SCFD2: variants seen among roughly 807,000 people sequenced by gnomAD.
SCFD2 encodes the protein sec1 family domain-containing protein 2.
Under a neutral mutation model 58.9 loss-of-function variants are expected in SCFD2, and 54 were observed. The ratio of observed to expected loss-of-function variants is 0.92; its 90% CI spans 0.74 to 1.15. SCFD2 has a LOEUF of 1.15. SCFD2 is among the 50% of genes most tolerant of loss of function. The pLI, the probability that SCFD2 is intolerant of heterozygous loss-of-function variation, is 0.00. For missense variants in SCFD2, 805 were observed against 836.6 expected, an observed-to-expected ratio of 0.96 and a Z score of 0.47; for synonymous variants, 321 against 335.9, an observed-to-expected ratio of 0.96 and a Z score of 0.49.
intron 5 of SCFD2, among the ~76,000 whole-genome samples, chr4:53,105,985 T>C (rs1207465671): frequency 4.6e-5 from 7 of 150,760 alleles, no homozygotes; most frequent in Non-Finnish European, 5.9e-5. Context: ...GGGACGAAGC[T>C]TCCAGAGGAA....
At chr4:53,136,514 C>A (rs1293008631) in intron 5 of SCFD2, among the ~76,000 whole-genome samples, 1 of 152,114 alleles carries the variant, frequency 6.6e-6, no homozygotes, top group Non-Finnish European at 1.5e-5. Flanking sequence ...CATGGAAAAC[C>A]TGAAAACACA....
At chr4:52,879,976 A>G (rs73814895) in intron 8 of SCFD2, among the ~76,000 whole-genome samples, 6,141 of 152,308 alleles carry the variant, frequency 0.04, 158 homozygotes, top group African/African-American at 0.072. Context: ...TTTGGAGCAT[A>G]TATTGTATTC....
chr4:53,049,874 T>C (rs897660614), intron 5 of SCFD2, among the ~76,000 whole-genome samples: 1 of 152,190 alleles, frequency 6.6e-6, no homozygotes, highest in Admixed American at 6.5e-5. Context: ...TTTTGTTTTA[T>C]TTGAGGTCAT....
At chr4:53,147,048 G>C (rs535525354) in intron 4 of SCFD2, among the ~76,000 whole-genome samples, 6 of 152,314 alleles carry the variant, frequency 3.9e-5, no homozygotes, top group Middle Eastern at 3.4e-3. Context: ...AACATCTTAA[G>C]ATGTGTGTCT....
chr4:53,365,982 CTTCT>C lies in SCFD2; in HGVS notation c.-45_-42del, dbSNP rs745512316. 6.6e-7 allele frequency: 1 copy of C among 1,504,960 alleles called. No individual in the cohort carries two copies. The highest frequency in any genetic ancestry group is 8.8e-7 in the Non-Finnish European group (1 of 1,133,990). 93.2% of individuals were successfully genotyped at this position (1,504,960 alleles called of 1,614,324 possible). A position where few individuals can be genotyped will look rare whatever the true frequency, so the allele number is the denominator to read the frequency against. On this transcript the variant is annotated 5_prime_UTR_variant, in exon 1 of 9. Coordinates refer to ENST00000401642, the MANE Select transcript of SCFD2 (RefSeq NM_152540.4). This position sits in a 1 kb window ranked among gnomAD's most constrained non-coding sequence, Gnocchi z 4.3. ...GACTTGGGAAACTACGGTGCAGGAA[CTTCT>C]TTCAGAACTCACCGCTTCCGGAAAT...
At chr4:53,277,475 A>G (rs548053028) in intron 3 of SCFD2, among the ~76,000 whole-genome samples, 1 of 152,158 alleles carries the variant, frequency 6.6e-6, no homozygotes, top group Admixed American at 6.5e-5. Flanking sequence ...ATAATTACTT[A>G]ATCATGATAG....
chr4:52,882,275 G>A (rs191742454), intron 8 of SCFD2, among the ~76,000 whole-genome samples: 1 of 152,296 alleles, frequency 6.6e-6, no homozygotes, highest in African/African-American at 2.4e-5. Context: ...TTGTCGTGGG[G>A]AAGAGGGATG....
intron 2 of SCFD2, among the ~76,000 whole-genome samples, chr4:53,334,668 G>T (rs1376200232): frequency 6.6e-6 from 1 of 151,604 alleles, no homozygotes; most frequent in Non-Finnish European, 1.5e-5. Flanking sequence ...GAGTTAGTGG[G>T]TGCAGCGCAC....
At chr4:53,036,823 C>A (rs1284887474) in intron 5 of SCFD2, among the ~76,000 whole-genome samples, 1 of 152,050 alleles carries the variant, frequency 6.6e-6, no homozygotes, top group African/African-American at 2.4e-5. Context: ...GCACATGTAT[C>A]CCAAAACTTA....
At chr4:53,135,502 G>A (rs759525686) in intron 5 of SCFD2, among the ~76,000 whole-genome samples, 14 of 152,162 alleles carry the variant, frequency 9.2e-5, no homozygotes, top group Non-Finnish European at 1.6e-4. Context: ...TTGGGAGGCC[G>A]AGGTGGGCGG....
At chr4:53,253,619 C>G (rs1216933209) in intron 4 of SCFD2, among the ~76,000 whole-genome samples, 3 of 151,372 alleles carry the variant, frequency 2.0e-5, no homozygotes, top group Non-Finnish European at 4.4e-5. Flanking sequence ...AATCATCATT[C>G]TCAGTAAACT....
chr4:52,901,921 A>G (rs988952849), intron 7 of SCFD2, among the ~76,000 whole-genome samples: 1 of 152,194 alleles, frequency 6.6e-6, no homozygotes, highest in African/African-American at 2.4e-5. Context: ...ATACACAGGT[A>G]TTTTTCTTAA....
intron 4 of SCFD2, among the ~76,000 whole-genome samples, chr4:53,254,124 A>G (rs1433155370): frequency 6.6e-6 from 1 of 152,144 alleles, no homozygotes; most frequent in African/African-American, 2.4e-5. Flanking sequence ...AAAGGATCAG[A>G]AAAAATAACT....
intron 4 of SCFD2, among the ~76,000 whole-genome samples, chr4:53,223,621 T>C (rs1729113053): frequency 6.6e-6 from 1 of 152,230 alleles, no homozygotes; most frequent in Non-Finnish European, 1.5e-5. Flanking sequence ...AAACATAGTC[T>C]CACGGAACAT....
chr4:53,032,272 A>C (rs1226174876), intron 5 of SCFD2, among the ~76,000 whole-genome samples: 1 of 152,236 alleles, frequency 6.6e-6, no homozygotes, highest in African/African-American at 2.4e-5. Context: ...CATGCCTTAC[A>C]AGAGCTCCTG....
intron 1 of SCFD2, among the ~76,000 whole-genome samples, chr4:53,363,739 C>T (rs1237960751): frequency 1.4e-5 from 2 of 147,156 alleles, no homozygotes; most frequent in Non-Finnish European, 3.0e-5. Context: ...AGGAGAATGG[C>T]GTGAACCCGG....
rs1406655418 is a variant in SCFD2, at chr4:53,244,269, A to G, written c.1311+29557T>C. On this transcript the variant is annotated intron_variant, in intron 4 of 8. Coordinates refer to ENST00000401642, the MANE Select transcript of SCFD2 (RefSeq NM_152540.4). ...GACATATACAGAACTCTCCACCCCA[A>G]AACAACAGGATATACATTCTACTCA... is the stretch of plus-strand genomic sequence containing the variant. Among the ~76,000 whole-genome samples, 19 of 152,130 alleles carry G rather than the reference A, an allele frequency of 1.2e-4. 1 individual carries two copies. Among genetic ancestry groups the G allele is most frequent in the Admixed American group, 7.9e-4 (12 of 15,270 alleles).
At chr4:53,046,315 G>A (rs1723037160) in intron 5 of SCFD2, among the ~76,000 whole-genome samples, 1 of 152,114 alleles carries the variant, frequency 6.6e-6, no homozygotes, top group Admixed American at 6.6e-5. Context: ...TGATCTTCAA[G>A]CAATCCTCCC....
intron 5 of SCFD2, among the ~76,000 whole-genome samples, chr4:53,041,061 C>A (rs1722886600): frequency 6.6e-6 from 1 of 152,110 alleles, no homozygotes; most frequent in African/African-American, 2.4e-5. Context: ...TTCATAAAGA[C>A]TTTTATTATG....
Sources: allele counts gnomAD v4.1 joint callset (sites outside exome capture counted in the v4.1 genomes callset), GRCh38; gene constraint gnomAD v4.1.1; non-coding constraint Gnocchi (gnomAD v3.1); transcripts MANE v1.5; gene names NCBI Gene and HGNC (gene_info 2026-07-23, HGNC 2026-07-21).